Variants in ADAM12 observed in about 807,000 individuals in gnomAD.
The protein encoded by ADAM12 is ADAM metallopeptidase domain 12.
ADAM12 carries 70 observed loss-of-function variants against 106.4 expected under a neutral mutation model. The observed-to-expected ratio is 0.66, with a 90% CI of 0.54 to 0.80. The LOEUF (loss-of-function observed/expected upper bound fraction) is 0.80, where lower values mean the gene tolerates loss of function less well. ADAM12 is among the 30% of genes least tolerant of loss of function. The probability of loss-of-function intolerance (pLI) is 0.00; values close to 1 mark genes in which losing one functional copy is unlikely to be tolerated. For synonymous variants in ADAM12, 420 were observed against 433.5 expected, an observed-to-expected ratio of 0.97 and a Z score of 0.39; for missense variants, 1,010 against 1,171.9, an observed-to-expected ratio of 0.86 and a Z score of 2.02.
At position 126,190,989 on chromosome 10, in the gene ADAM12, C is replaced by CTTTTTTTTTTTTTTTT. The variant is rs1957488604; in HGVS notation, c.261-35685_261-35684insAAAAAAAAAAAAAAAA. ...TTTGAGTTGCCATGAGGAGTTTTGT[C>CTTTTTTTTTTTTTTTT]CTTTTTTTTTTTTTTTTTTTTTTTT... On this transcript the variant is annotated intron_variant, in intron 3 of 22. Transcript: ENST00000448723. Among the ~76,000 whole-genome samples, 12 of 68,710 alleles carry CTTTTTTTTTTTTTTTT rather than the reference C, an allele frequency of 1.7e-4. 6 individuals carry two copies. The highest frequency in any genetic ancestry group is 2.4e-4 in the Non-Finnish European group (6 of 25,142). The allele number at this position is 68,710 out of a possible 152,430, so 45.1% of individuals were successfully genotyped here.
chr10:126,040,521 G>GGC (rs1954141720), intron 18 of ADAM12, among the ~76,000 whole-genome samples: 1 of 152,098 alleles, frequency 6.6e-6, no homozygotes, highest in African/African-American at 2.4e-5. Context: ...CCACTAACAA[G>GGC]GCCTATCAGG....
chr10:126,195,200 C>A (rs532471128), intron 3 of ADAM12, among the ~76,000 whole-genome samples: 1 of 152,188 alleles, frequency 6.6e-6, no homozygotes, highest in Admixed American at 6.5e-5. Context: ...ACAGTTAATA[C>A]CAGTGTATCA....
chr10:126,022,249 A>G (rs980493616), intron 21 of ADAM12, among the ~76,000 whole-genome samples: 2 of 152,142 alleles, frequency 1.3e-5, no homozygotes, highest in Non-Finnish European at 2.9e-5. Flanking sequence ...CATGTCTCCT[A>G]CTTTAGAAGA....
intron 2 of ADAM12, among the ~76,000 whole-genome samples, chr10:126,290,987 A>G (rs1317202759): frequency 6.6e-6 from 1 of 152,264 alleles, no homozygotes; most frequent in Non-Finnish European, 1.5e-5. Flanking sequence ...AACCAGGGAC[A>G]TTAAAATATT....
In ADAM12 at chr10:126,330,455, C is replaced by G; in HGVS notation, c.143G>C (p.Gly48Ala). Residue 48 changes from glycine to alanine, a missense_variant, in exon 2 of 23, where the codon GGG (glycine) becomes GCG (alanine). Transcript: ENST00000448723. Reference protein sequence around the residue: ...RADEVVSASVGSGDLWIPVKS... With the variant: ...RADEVVSASVASGDLWIPVKS... ...CACTGGGATCCAGAGGTCCCCACTC[C>G]CAACAGAGGCACTGACAACTTCATC... 3 of 1,613,976 alleles carry G rather than the reference C, an allele frequency of 1.9e-6. No individual in the cohort carries two copies. The highest frequency in any genetic ancestry group is 2.5e-6 in the Non-Finnish European group (3 of 1,179,972).
intron 14 of ADAM12, among the ~76,000 whole-genome samples, chr10:126,060,275 C>T (rs577730012): frequency 6.6e-6 from 1 of 152,228 alleles, no homozygotes; most frequent in South Asian, 2.1e-4. Flanking sequence ...AAATATAACG[C>T]CAGATTGAGA....
chr10:126,018,877 G>A (rs190613685), intron 22 of ADAM12, among the ~76,000 whole-genome samples: 42 of 152,260 alleles, frequency 2.8e-4, no homozygotes, highest in Admixed American at 4.6e-4. Flanking sequence ...TATGTCCCTT[G>A]CTCCAGCCGT....
intron 14 of ADAM12, among the ~76,000 whole-genome samples, chr10:126,057,423 T>C (rs895903449): frequency 1.3e-5 from 2 of 151,506 alleles, no homozygotes; most frequent in African/African-American, 4.9e-5. Context: ...CAATGCTTAC[T>C]CTTATCCAGT....
At chr10:126,132,078 C>G (rs960883171) in intron 5 of ADAM12, among the ~76,000 whole-genome samples, 1 of 151,722 alleles carries the variant, frequency 6.6e-6, no homozygotes, top group Admixed American at 6.6e-5. Context: ...CGGGTTCAAG[C>G]AGTTTTCTGC....
chr10:126,333,086 G>C (rs770193430), intron 1 of ADAM12, among the ~76,000 whole-genome samples: 2 of 152,180 alleles, frequency 1.3e-5, no homozygotes, highest in African/African-American at 2.4e-5. Flanking sequence ...AGTTACCACG[G>C]GCATTGGCGT....
At chr10:126,332,277 C>T (rs572928444) in intron 1 of ADAM12, among the ~76,000 whole-genome samples, 3 of 152,216 alleles carry the variant, frequency 2.0e-5, no homozygotes, top group Non-Finnish European at 4.4e-5. Context: ...CAGCTCCCTC[C>T]GTCTATACTG....
intron 2 of ADAM12, among the ~76,000 whole-genome samples, chr10:126,323,715 C>T (rs1035078396): frequency 1.1e-4 from 17 of 152,128 alleles, no homozygotes; most frequent in African/African-American, 4.1e-4. Context: ...ACTCTGTGAT[C>T]GCGCCAGAGA....
intron 21 of ADAM12, 139 bp downstream of exon 21, chr10:126,036,006 AT>A (rs1954053232): frequency 1.4e-6 from 1 of 698,390 alleles, no homozygotes; most frequent in Non-Finnish European, 2.0e-6. Flanking sequence ...GGATTATCTC[AT>A]TTAACCATCT....
chr10:126,286,941 A>G, intron 2 of ADAM12, among the ~76,000 whole-genome samples: 1 of 152,154 alleles, frequency 6.6e-6, no homozygotes, highest in East Asian at 1.9e-4. Context: ...TAAGCACAGG[A>G]TCTTCTCACT....
At chr10:126,292,610 A>G (rs2133782704) in intron 2 of ADAM12, among the ~76,000 whole-genome samples, 1 of 152,330 alleles carries the variant, frequency 6.6e-6, no homozygotes, top group Non-Finnish European at 1.5e-5. Context: ...AGTGCTCTAG[A>G]GCAGGGTTGA....
chr10:126,150,118 C>T (rs1201184597), intron 4 of ADAM12, among the ~76,000 whole-genome samples: 1 of 152,356 alleles, frequency 6.6e-6, no homozygotes, highest in East Asian at 1.9e-4. Context: ...TGTTCACCAT[C>T]ATAGATCGTG....
At chr10:126,070,010 GAACA>G (rs1214353467) in intron 12 of ADAM12, among the ~76,000 whole-genome samples, 1 of 152,112 alleles carries the variant, frequency 6.6e-6, no homozygotes, top group African/African-American at 2.4e-5. Context: ...TTATTTAGAT[GAACA>G]AACAATCATA....
intron 3 of ADAM12, among the ~76,000 whole-genome samples, chr10:126,193,446 G>C (rs1270251932): frequency 2.2e-4 from 33 of 152,066 alleles, no homozygotes; most frequent in Admixed American, 2.2e-3. Flanking sequence ...TCCTGCCACT[G>C]GTCAAATACA....
At chr10:126,042,436 A>C (rs1385442506) in intron 18 of ADAM12, among the ~76,000 whole-genome samples, 1 of 152,176 alleles carries the variant, frequency 6.6e-6, no homozygotes, top group Non-Finnish European at 1.5e-5. Context: ...AGATCACATT[A>C]GGCAAATTAC....
Sources: gnomAD v4.1 joint callset for allele counts (sites outside exome capture counted in the v4.1 genomes callset) on GRCh38, gnomAD v4.1.1 for gene constraint, MANE v1.5 for transcripts, NCBI Gene and HGNC (gene_info 2026-07-23, HGNC 2026-07-21) for gene names.